DGLUCY: variants seen among roughly 807,000 people sequenced by gnomAD.
The protein encoded by DGLUCY is D-glutamate cyclase, mitochondrial.
A neutral mutation model predicts 58.5 loss-of-function variants in DGLUCY; 58 were observed. The ratio of observed to expected loss-of-function variants is 0.99; its 90% CI spans 0.80 to 1.23. The LOEUF (loss-of-function observed/expected upper bound fraction) is 1.23, where lower values mean the gene tolerates loss of function less well. Ranked by LOEUF, DGLUCY falls within the 50% of genes most tolerant of loss-of-function variation. The pLI is 0.00. For synonymous variants in DGLUCY, 325 were observed against 314.1 expected, an observed-to-expected ratio of 1.03 and a Z score of -0.37; for missense variants, 779 against 784.7, an observed-to-expected ratio of 0.99 and a Z score of 0.09.
chr14:91,164,057 C>T (rs2048139394), intron 3 of DGLUCY, among the ~76,000 whole-genome samples: 1 of 152,180 alleles, frequency 6.6e-6, no homozygotes, highest in African/African-American at 2.4e-5. Context: ...TCAAGCGATT[C>T]TCCTGTCTCA....
intron 1 of DGLUCY, among the ~76,000 whole-genome samples, chr14:91,154,181 C>T (rs1337967419): frequency 2.0e-5 from 3 of 152,186 alleles, no homozygotes; most frequent in Non-Finnish European, 4.4e-5. Context: ...GCTGGGATTA[C>T]AGGCGTGAAC....
chr14:91,181,680 T>TC (rs2049179243), intron 8 of DGLUCY, among the ~76,000 whole-genome samples: 1 of 136,024 alleles, frequency 7.4e-6, no homozygotes, highest in Non-Finnish European at 1.6e-5. Context: ...TTCTTTTTTT[T>TC]CTTTTTTTTT....
chr14:91,175,362 C>T (rs770835508), intron 6 of DGLUCY, among the ~76,000 whole-genome samples: 3 of 152,082 alleles, frequency 2.0e-5, no homozygotes, highest in Non-Finnish European at 4.4e-5. Context: ...TAAACTTGCT[C>T]AACTGCATAA....
chr14:91,196,603 G>C (rs1399418498), intron 10 of DGLUCY, 129 bp downstream of exon 10: 1 of 725,698 alleles, frequency 1.4e-6, no homozygotes. Context: ...AGGAAGATGG[G>C]TTCTCATGGA....
chr14:91,112,265 AG>A (rs1345758908), upstream of DGLUCY, among the ~76,000 whole-genome samples: 1 of 151,926 alleles, frequency 6.6e-6, no homozygotes, highest in Non-Finnish European at 1.5e-5. Flanking sequence ...AAAAAAAAAA[AG>A]AGTTTAACAT....
At chr14:91,094,299 G>A (rs765308769) in intron 1 of DGLUCY, among the ~76,000 whole-genome samples, 40 of 151,934 alleles carry the variant, frequency 2.6e-4, no homozygotes, top group Admixed American at 1.3e-4. Context: ...GCCGGGTGCG[G>A]TGGCAGGTGC....
At chr14:91,124,227 A>G (rs899267277) in intron 1 of DGLUCY, among the ~76,000 whole-genome samples, 3 of 152,084 alleles carry the variant, frequency 2.0e-5, no homozygotes, top group African/African-American at 7.2e-5. Flanking sequence ...CACCCTGCCA[A>G]TAGTCAGACT....
intron 1 of DGLUCY, among the ~76,000 whole-genome samples, chr14:91,102,743 ATGTGTGTG>A (rs548653144): frequency 1.1e-3 from 142 of 130,678 alleles, no homozygotes; most frequent in Middle Eastern, 4.0e-3. Flanking sequence ...TCCAGTGTGT[ATGTGTGTG>A]TGTGTGTGTG....
chr14:91,205,666 G>C (rs1884450095), intron 12 of DGLUCY, among the ~76,000 whole-genome samples: 1 of 151,992 alleles, frequency 6.6e-6, no homozygotes, highest in Non-Finnish European at 1.5e-5. Context: ...GTTCAACCAA[G>C]TTCTCACAAT....
chr14:91,099,931 G>A (rs1010342763), intron 1 of DGLUCY, among the ~76,000 whole-genome samples: 1 of 151,972 alleles, frequency 6.6e-6, no homozygotes, highest in Non-Finnish European at 1.5e-5. Context: ...GCACATGCCT[G>A]TAATCCCAGC....
At chr14:91,081,216 A>G (rs906455458) in intron 1 of DGLUCY, among the ~76,000 whole-genome samples, 15 of 130,602 alleles carry the variant, frequency 1.1e-4, no homozygotes, top group Non-Finnish European at 2.3e-4. Flanking sequence ...AAAAAAACAA[A>G]AAAAAAAGCA....
At chr14:91,123,102 C>G (rs777041166) in intron 1 of DGLUCY, among the ~76,000 whole-genome samples, 1 of 152,122 alleles carries the variant, frequency 6.6e-6, no homozygotes, top group Non-Finnish European at 1.5e-5. Flanking sequence ...AGGGAGAACT[C>G]TGTTCGGCCC....
chr14:91,108,267 T>C (rs1380709797), intron 1 of DGLUCY, among the ~76,000 whole-genome samples: 4 of 152,040 alleles, frequency 2.6e-5, no homozygotes, highest in Non-Finnish European at 5.9e-5. Context: ...ATTTTGGTAC[T>C]GGGTTCATCA....
intron 1 of DGLUCY, among the ~76,000 whole-genome samples, chr14:91,118,229 A>C (rs1032338125): frequency 2.6e-5 from 4 of 151,116 alleles, no homozygotes; most frequent in Non-Finnish European, 4.4e-5. Flanking sequence ...TACAGGCACC[A>C]CCACCCCCAC....
chr14:91,092,206 C>T (rs1338873570), intron 1 of DGLUCY, among the ~76,000 whole-genome samples: 1 of 152,194 alleles, frequency 6.6e-6, no homozygotes, highest in East Asian at 1.9e-4. Context: ...CTGACACATT[C>T]TTGACTACTG....
chr14:91,220,640 T>G, intron 13 of DGLUCY: 1 of 456,224 alleles, frequency 2.2e-6, no homozygotes, highest in Non-Finnish European at 4.4e-6. Context: ...TGGAGCCGTT[T>G]CTCCCGCTGC....
chr14:91,096,275 G>A (rs1457451794), intron 1 of DGLUCY, among the ~76,000 whole-genome samples: 1 of 152,092 alleles, frequency 6.6e-6, no homozygotes, highest in African/African-American at 2.4e-5. Context: ...TTAGCCAGGT[G>A]TGGTGATGCG....
intron 1 of DGLUCY, among the ~76,000 whole-genome samples, chr14:91,108,889 T>C (rs907854265): frequency 2.0e-5 from 3 of 152,050 alleles, no homozygotes; most frequent in African/African-American, 7.2e-5. Flanking sequence ...TTGGGGACGA[T>C]TGGTCTAGAA....
chr14:91,077,644 C>A lies in DGLUCY; in HGVS notation c.-82+16940C>A, dbSNP rs144611539. 1.6e-3 allele frequency among the ~76,000 whole-genome samples: 238 copies of A among 151,734 alleles called. 1 individual carries two copies. The highest frequency in any genetic ancestry group is 5.4e-3 in the African/African-American group (222 of 41,368). Reference sequence around the variant, plus strand: ...GCATGCGCCTGTAGTCCCAGCTACTCAGGAGGCTGAGGCAGGCGAATCGCT... The same window carrying A: ...GCATGCGCCTGTAGTCCCAGCTACTAAGGAGGCTGAGGCAGGCGAATCGCT... On this transcript the variant is annotated intron_variant, in intron 1 of 4. Transcript: ENST00000521334.
Sources: gnomAD v4.1 joint callset for allele counts (sites outside exome capture counted in the v4.1 genomes callset) on GRCh38, gnomAD v4.1.1 for gene constraint, MANE v1.5 for transcripts, NCBI Gene and HGNC (gene_info 2026-07-23, HGNC 2026-07-21) for gene names.